The following ATP9B variants were observed in gnomAD, a reference collection of about 807,000 sequenced individuals.
ATP9B encodes the protein ATPase phospholipid transporting 9B.
Under a neutral mutation model 146.1 loss-of-function variants are expected in ATP9B, and 110 were observed. The observed-to-expected ratio is 0.75, with a 90% CI of 0.65 to 0.88. The LOEUF (loss-of-function observed/expected upper bound fraction) is 0.88. ATP9B is among the 40% of genes least tolerant of loss of function. ATP9B has a pLI of 0.00. For missense variants in ATP9B, 1,499 were observed against 1,496.4 expected (o/e 1.00, Z -0.03); for synonymous variants, 604 against 569.7 (o/e 1.06, Z -0.86).
chr18:79,277,425 TA>T (rs1396549665), intron 13 of ATP9B, among the ~76,000 whole-genome samples: 1 of 152,216 alleles, frequency 6.6e-6, no homozygotes, highest in African/African-American at 2.4e-5. Flanking sequence ...GTTAAGTTCT[TA>T]GAGCTTTAAG....
At chr18:79,186,280 TAAGTAATGCGAAC>T (rs1432617146) in intron 8 of ATP9B, among the ~76,000 whole-genome samples, 1 of 152,248 alleles carries the variant, frequency 6.6e-6, no homozygotes, top group Non-Finnish European at 1.5e-5. Context: ...TAATGACCTT[TAAGTAATGCGAAC>T]AAGTGTTGGC....
At position 79,171,951 on chromosome 18, in the gene ATP9B, C is replaced by T. The variant is rs372149582; in HGVS notation, c.779-4862C>T. On this transcript the variant is annotated intron_variant, in intron 7 of 29. Coordinates refer to ENST00000426216, the MANE Select transcript of ATP9B (RefSeq NM_198531.5). ...TCACCCAGGCTGGAGTGCTATGGCGCGATCTCAGCTCACTGCAATTTCCGC... is the reference window on the plus strand; with the variant it reads ...TCACCCAGGCTGGAGTGCTATGGCGTGATCTCAGCTCACTGCAATTTCCGC... Among the ~76,000 whole-genome samples, 13 of 151,902 alleles carry T rather than the reference C, an allele frequency of 8.6e-5. No individual in the cohort carries two copies. The East Asian group carries it at 2.1e-3, about 25-fold the overall frequency.
At chr18:79,270,302 C>A in intron 12 of ATP9B, among the ~76,000 whole-genome samples, 1 of 150,608 alleles carries the variant, frequency 6.6e-6, no homozygotes, top group Non-Finnish European at 1.5e-5. Flanking sequence ...TGTGGCAGCT[C>A]TGTGTGTGTG....
At chr18:79,353,257 C>T (rs149397543) in intron 25 of ATP9B, 4 of 152,434 alleles carry the variant, frequency 2.6e-5, no homozygotes, top group African/African-American at 9.6e-5. Context: ...AACCTCCCTC[C>T]TCAGTGTTCA....
At chr18:79,219,954 G>A (rs1458093780) in intron 11 of ATP9B, among the ~76,000 whole-genome samples, 1 of 152,204 alleles carries the variant, frequency 6.6e-6, no homozygotes, top group Non-Finnish European at 1.5e-5. Context: ...GAAGGATCCA[G>A]CTGTTGTTGG....
rs893901071 is a variant in ATP9B, at chr18:79,174,056, T to C, written c.779-2757T>C. ...GAGCTGGACTGCACTTTTCCTCCTC[T>C]TGTAGAATCATCATCATTTTTAAAA... On this transcript the variant is annotated intron_variant, in intron 7 of 29. Coordinates refer to ENST00000426216, the MANE Select transcript of ATP9B (RefSeq NM_198531.5). 4.2e-4 allele frequency: 129 copies of C among 306,590 alleles called. 1 individual carries two copies. The highest frequency in any genetic ancestry group is 1.0e-4 in the Non-Finnish European group (16 of 157,770). The allele number at this position is 306,590 out of a possible 1,614,324, so 19.0% of individuals were successfully genotyped here. A position where few individuals can be genotyped will look rare whatever the true frequency, so the allele number is the denominator to read the frequency against.
intron 8 of ATP9B, among the ~76,000 whole-genome samples, chr18:79,182,164 C>T (rs1275731489): frequency 6.6e-6 from 1 of 152,190 alleles, no homozygotes; most frequent in Non-Finnish European, 1.5e-5. Flanking sequence ...GAGCATGATC[C>T]TGCTGGGATC....
At chr18:79,169,252 C>T (rs1379195431) in intron 7 of ATP9B, among the ~76,000 whole-genome samples, 1 of 152,182 alleles carries the variant, frequency 6.6e-6, no homozygotes, top group Non-Finnish European at 1.5e-5. Context: ...TGGTCAACCC[C>T]ATACCATTAA....
At chr18:79,340,831 C>G (rs899429645) in intron 19 of ATP9B, among the ~76,000 whole-genome samples, 1 of 152,090 alleles carries the variant, frequency 6.6e-6, no homozygotes, top group Admixed American at 6.5e-5. Context: ...GGCCATTTAC[C>G]CATTGAACCT....
intron 9 of ATP9B, among the ~76,000 whole-genome samples, chr18:79,204,373 G>T (rs2095515787): frequency 6.6e-6 from 1 of 152,102 alleles, no homozygotes; most frequent in Admixed American, 6.6e-5. Context: ...GCAGTTAAAG[G>T]TATAAACCAC....
intron 7 of ATP9B, chr18:79,173,674 T>C (rs1055679626): frequency 2.2e-6 from 1 of 455,790 alleles, no homozygotes; most frequent in African/African-American, 2.0e-5. Flanking sequence ...TTTTGTTCCA[T>C]TGATCTGTGT....
chr18:79,342,542 C>G (rs1430774273), intron 20 of ATP9B, among the ~76,000 whole-genome samples, 176 bp downstream of exon 20: 1 of 151,934 alleles, frequency 6.6e-6, no homozygotes, highest in East Asian at 1.9e-4. Context: ...ACGTATGTAA[C>G]TAACCTGCAC....
rs192797382 is a variant in ATP9B at position 79,184,320 on chromosome 18, A to C, written c.873+7413A>C. Among the ~76,000 whole-genome samples, 228 of 152,294 alleles carry C rather than the reference A, an allele frequency of 1.5e-3. 5 individuals are homozygous for C. Among genetic ancestry groups the C allele is most frequent in the Middle Eastern group, 0.014 (4 of 294 alleles). Reference sequence around the variant, plus strand: ...ATCTTTCACTTAGTATGTGTGGCTAAAGAATTGTTTGAGAGTTAAGGTTAA... The same window carrying C: ...ATCTTTCACTTAGTATGTGTGGCTACAGAATTGTTTGAGAGTTAAGGTTAA... On this transcript the variant is annotated intron_variant, in intron 8 of 29. Transcript: ENST00000426216.
At chr18:79,317,891 A>G (rs1007497436) in intron 15 of ATP9B, among the ~76,000 whole-genome samples, 2 of 152,222 alleles carry the variant, frequency 1.3e-5, no homozygotes, top group African/African-American at 4.8e-5. Context: ...GCCAGGAAGT[A>G]AGGAATTGCT....
At chr18:79,290,115 C>T (rs1430947687) in intron 13 of ATP9B, among the ~76,000 whole-genome samples, 9 of 152,100 alleles carry the variant, frequency 5.9e-5, no homozygotes, top group South Asian at 2.1e-4. Flanking sequence ...TCTCCAGCTG[C>T]GTGCTGGGAG....
intron 13 of ATP9B, among the ~76,000 whole-genome samples, chr18:79,284,707 G>GC (rs397757227): frequency 5.0e-4 from 1 of 2,000 alleles, no homozygotes; most frequent in Admixed American, 9.4e-3. Context: ...GTGCCATGCT[G>GC]TGTGCTGCAC....
Position 79,275,603 on chromosome 18 carries a change from AGGAGGCACT to A in ATP9B, c.1269-1443_1269-1435del, listed in dbSNP as rs1222456446. ...AGGTTTCGTCTCTAGCCCATTTGTT[AGGAGGCACT>A]GGAGGCATACAGGTGGGTAACTTGT... On this transcript the variant is annotated intron_variant, in intron 12 of 29. Coordinates refer to ENST00000426216, the MANE Select transcript of ATP9B (RefSeq NM_198531.5). Among the ~76,000 whole-genome samples, 4 of 152,246 alleles carry A rather than the reference AGGAGGCACT, an allele frequency of 2.6e-5. No homozygotes were observed. In the South Asian group the frequency reaches 6.2e-4, roughly 24 times the overall value.
intron 1 of ATP9B, among the ~76,000 whole-genome samples, chr18:79,086,744 G>C (rs920370568): frequency 6.6e-6 from 1 of 152,080 alleles, no homozygotes; most frequent in African/African-American, 2.4e-5. Context: ...TTGGTGTTCA[G>C]TTTTCTTGTA....
Position 79,110,464 on chromosome 18 carries a change from A to G in ATP9B, c.403A>G (p.Ile135Val). Residue 135 changes from isoleucine to valine, a missense_variant, in exon 3 of 30, where the codon ATA (isoleucine) becomes GTA (valine). Coordinates refer to ENST00000426216, the MANE Select transcript of ATP9B (RefSeq NM_198531.5). The stretch of plus-strand genomic sequence containing the variant: ...TGAAGAAAAACATCCCAGGAATTCT[A>G]TAAAAAATCAAAAATACAATGTGTT... Reference protein sequence around the residue: ...KCEEKHPRNSIKNQKYNVFTF... With the variant: ...KCEEKHPRNSVKNQKYNVFTF... 2 of 1,613,618 alleles carry G rather than the reference A, an allele frequency of 1.2e-6. No individual in the cohort carries two copies. The highest frequency in any genetic ancestry group is 1.1e-5 in the South Asian group (1 of 91,038).
Sources: allele counts gnomAD v4.1 joint callset (sites outside exome capture counted in the v4.1 genomes callset), GRCh38; gene constraint gnomAD v4.1.1; transcripts MANE v1.5; gene names NCBI Gene and HGNC (gene_info 2026-07-23, HGNC 2026-07-21).